The following AFAP1L1 variants were observed in gnomAD, a reference collection of about 807,000 sequenced individuals.
AFAP1L1 encodes the protein actin filament associated protein 1 like 1.
AFAP1L1 carries 77 observed loss-of-function variants against 99.8 expected under a neutral mutation model. The observed-to-expected ratio is 0.77, with a 90% CI of 0.64 to 0.93. The LOEUF (loss-of-function observed/expected upper bound fraction) is 0.93, where lower values mean the gene tolerates loss of function less well. AFAP1L1 is among the 40% of genes least tolerant of loss of function. AFAP1L1 has a pLI of 0.00. For synonymous variants in AFAP1L1, 373 were observed against 395.3 expected, an observed-to-expected ratio of 0.94 and a Z score of 0.67; for missense variants, 893 against 996.8, an observed-to-expected ratio of 0.90 and a Z score of 1.40.
intron 16 of AFAP1L1, among the ~76,000 whole-genome samples, chr5:149,331,507 C>T (rs1757258292): frequency 6.6e-6 from 1 of 151,836 alleles, no homozygotes; most frequent in Non-Finnish European, 1.5e-5. Context: ...GTAGTCCCAG[C>T]TACTCAGGAG....
intron 17 of AFAP1L1, among the ~76,000 whole-genome samples, chr5:149,334,627 T>C (rs1254294307): frequency 6.6e-6 from 1 of 152,180 alleles, no homozygotes; most frequent in Admixed American, 6.5e-5. Context: ...AGTCAGGCTG[T>C]GGGGCCAGGC....
chr5:149,289,949 A>G (rs764987798), intron 1 of AFAP1L1, among the ~76,000 whole-genome samples: 2 of 152,136 alleles, frequency 1.3e-5, no homozygotes, highest in Non-Finnish European at 2.9e-5. Context: ...GACTTAATTT[A>G]TGGGCCGGGT....
In AFAP1L1 at chr5:149,316,182, G is replaced by A. The variant is rs568166405; in HGVS notation, c.1146G>A (p.Leu382=). The A allele has an allele frequency of 6.2e-7, 1 of 1,614,154 alleles. No homozygotes were observed. The highest frequency in any genetic ancestry group is 8.5e-7 in the Non-Finnish European group (1 of 1,180,000). The part of the protein sequence containing the change: ...GKGKKSSLAE[L]KGSMSRAAGR... ...GGAAGAAGAGCAGCCTGGCAGAACT[G>A]AAGGGCTCAATGAGCAGGGCTGCGG... Residue 382 remains leucine, a synonymous_variant, in exon 11 of 19, where the codon CTG becomes CTA. Transcript: ENST00000296721.
At chr5:149,293,393 G>T (rs1383619949) in intron 1 of AFAP1L1, among the ~76,000 whole-genome samples, 2 of 152,188 alleles carry the variant, frequency 1.3e-5, no homozygotes, top group Admixed American at 6.5e-5. Flanking sequence ...CTTATCTTAA[G>T]CATCAAGCTT....
At chr5:149,332,939 T>G in intron 17 of AFAP1L1, 66 bp downstream of exon 17, 209 of 1,413,798 alleles carry the variant, frequency 1.5e-4, no homozygotes, top group Middle Eastern at 2.6e-4. Flanking sequence ...TACAGATCTC[T>G]TCTTCATGAT....
chr5:149,314,324 G>A (rs1250809430), intron 9 of AFAP1L1, among the ~76,000 whole-genome samples: 1 of 152,184 alleles, frequency 6.6e-6, no homozygotes, highest in Non-Finnish European at 1.5e-5. Flanking sequence ...ACATGCTGAG[G>A]TGCAGTTTGA....
intron 1 of AFAP1L1, among the ~76,000 whole-genome samples, chr5:149,275,024 G>A (rs1008562131): frequency 3.3e-5 from 5 of 152,186 alleles, no homozygotes; most frequent in African/African-American, 4.8e-5. Flanking sequence ...TGTGAGAGAT[G>A]GGACTGTCAT....
At chr5:149,334,899 GGAAA>G (rs980275824) in intron 17 of AFAP1L1, among the ~76,000 whole-genome samples, 12 of 151,920 alleles carry the variant, frequency 7.9e-5, no homozygotes, top group African/African-American at 2.7e-4. Flanking sequence ...AAGAAAGAAA[GGAAA>G]GAAAGAAAGA....
chr5:149,281,894 T>A (rs943040424), intron 1 of AFAP1L1, among the ~76,000 whole-genome samples: 1 of 152,094 alleles, frequency 6.6e-6, no homozygotes, highest in Non-Finnish European at 1.5e-5. Context: ...GGAACATCCT[T>A]TATCGATGAG....
chr5:149,326,305 G>A lies in AFAP1L1; in HGVS notation c.1811-3361G>A, dbSNP rs374030636. 2.4e-4 allele frequency among the ~76,000 whole-genome samples: 36 copies of A among 152,308 alleles called. No individual in the cohort carries two copies. The South Asian group carries it at 7.2e-3, about 31-fold the overall frequency. On this transcript the variant is annotated intron_variant, in intron 15 of 18. Transcript: ENST00000296721. Reference sequence around the variant, plus strand: ...TGTCATCCCAACACTTTGGGAGGCTGAGGCAGGTGGATCACTTGAGGCCAG... The same window carrying A: ...TGTCATCCCAACACTTTGGGAGGCTAAGGCAGGTGGATCACTTGAGGCCAG...
chr5:149,324,102 G>C (rs552786724), intron 15 of AFAP1L1, among the ~76,000 whole-genome samples: 1 of 152,340 alleles, frequency 6.6e-6, no homozygotes, highest in East Asian at 1.9e-4. Context: ...AACCACAGTG[G>C]AAAACTACTG....
intron 5 of AFAP1L1, 192 bp downstream of exon 5, chr5:149,302,718 GC>G: frequency 2.0e-6 from 1 of 492,140 alleles, no homozygotes; most frequent in East Asian, 3.4e-5. Context: ...AATATGTGGG[GC>G]CCCAGGGGCT....
At chr5:149,301,084 G>A in intron 3 of AFAP1L1, 49 bp from the exon 4 acceptor site, 1 of 1,574,614 alleles carries the variant, frequency 6.4e-7, no homozygotes, top group Non-Finnish European at 8.7e-7. Flanking sequence ...CCCCTGGTCT[G>A]TGCTGCTCAT....
intron 14 of AFAP1L1, among the ~76,000 whole-genome samples, chr5:149,321,722 C>CAAA (rs57366142): frequency 7.3e-3 from 458 of 62,896 alleles, no homozygotes; most frequent in Non-Finnish European, 9.1e-3. Flanking sequence ...GACTCTGTCT[C>CAAA]AAAAAAAAAA....
chr5:149,275,630 C>T (rs1412361425), intron 1 of AFAP1L1, among the ~76,000 whole-genome samples: 5 of 152,042 alleles, frequency 3.3e-5, no homozygotes, highest in South Asian at 4.2e-4. Context: ...CTCAGCCTCC[C>T]GAGTAGCTGG....
At chr5:149,307,732 A>G (rs190840164) in intron 7 of AFAP1L1, 119 bp downstream of exon 7, 10 of 1,035,252 alleles carry the variant, frequency 9.7e-6, no homozygotes, top group African/African-American at 3.2e-5. Flanking sequence ...TGTGCACAGA[A>G]GCTCAAAGGC....
At chr5:149,304,981 C>T (rs1268019449) in intron 5 of AFAP1L1, among the ~76,000 whole-genome samples, 1 of 152,180 alleles carries the variant, frequency 6.6e-6, no homozygotes, top group Non-Finnish European at 1.5e-5. Context: ...GTGCACCATC[C>T]CCTGAGCTGG....
In AFAP1L1 at chr5:149,300,748, C is replaced by T. The variant is rs117134337; in HGVS notation, c.230-385C>T. ...AGCTGGCTGCATGCAGAGTACCTGC[C>T]GTCCTAGCCCTATCCTGAGGGAAGA... On this transcript the variant is annotated intron_variant, in intron 3 of 18. Transcript: ENST00000296721. 2.6e-4 allele frequency among the ~76,000 whole-genome samples: 39 copies of T among 152,344 alleles called. 1 individual carries two copies. The East Asian group carries it at 6.7e-3, about 26-fold the overall frequency.
intron 8 of AFAP1L1, among the ~76,000 whole-genome samples, 198 bp downstream of exon 8, chr5:149,310,333 T>C (rs1338206960): frequency 6.6e-6 from 1 of 152,230 alleles, no homozygotes; most frequent in Non-Finnish European, 1.5e-5. Context: ...GCTGGAGACC[T>C]GTGTCCCTTC....
Sources: gnomAD v4.1 joint callset for allele counts (sites outside exome capture counted in the v4.1 genomes callset) on GRCh38, gnomAD v4.1.1 for gene constraint, MANE v1.5 for transcripts, NCBI Gene and HGNC (gene_info 2026-07-23, HGNC 2026-07-21) for gene names.